The following DCAF1 variants were observed in gnomAD, a reference collection of about 807,000 sequenced individuals.
The protein encoded by DCAF1 is DDB1- and CUL4-associated factor 1.
DCAF1 carries 15 observed loss-of-function variants against 128.0 expected under a neutral mutation model. The observed-to-expected ratio is 0.12, with a 90% confidence interval of 0.08 to 0.18. The LOEUF (loss-of-function observed/expected upper bound fraction) is 0.18. Ranked by LOEUF, DCAF1 falls within the 10% of genes least tolerant of loss-of-function variation. The probability of loss-of-function intolerance (pLI) is 1.00; values close to 1 mark genes in which losing one functional copy is unlikely to be tolerated. For missense variants in DCAF1, 988 were observed against 1,649.5 expected (o/e 0.60, Z 6.95); for synonymous variants, 610 against 603.0 (o/e 1.01, Z -0.17).
chr3:51,486,193 CTT>C (rs35273248), intron 2 of DCAF1, among the ~76,000 whole-genome samples: 47 of 113,304 alleles, frequency 4.1e-4, no homozygotes, highest in Admixed American at 7.5e-4. Flanking sequence ...CCGGCAGATT[CTT>C]TTTTTTTTTT....
At chr3:51,419,238 G>A (rs1366433475) in intron 15 of DCAF1, among the ~76,000 whole-genome samples, 1 of 151,972 alleles carries the variant, frequency 6.6e-6, no homozygotes, top group African/African-American at 2.4e-5. Flanking sequence ...GTGCCTGCCT[G>A]TAATCCCAGC....
intron 23 of DCAF1, among the ~76,000 whole-genome samples, chr3:51,411,608 T>C (rs1288986126): frequency 6.6e-6 from 1 of 152,192 alleles, no homozygotes; most frequent in Non-Finnish European, 1.5e-5. Context: ...TTCTCAAAAG[T>C]ATCAAAATCT....
chr3:51,499,786 C>G (rs1708660462), intron 1 of DCAF1, 87 bp downstream of exon 1: 1 of 151,970 alleles, frequency 6.6e-6, no homozygotes, highest in Non-Finnish European at 1.5e-5. Context: ...CCCCCAAGCC[C>G]GGCGCCCACT....
chr3:51,418,622 G>C (rs146589103), intron 16 of DCAF1, 56 bp downstream of exon 16: 30,462 of 1,556,120 alleles, frequency 0.02, 352 homozygotes, highest in Non-Finnish European at 0.023. Context: ...CTTTACTCTA[G>C]TTCACCAATT....
chr3:51,485,958 C>A (rs1553655268), intron 2 of DCAF1, among the ~76,000 whole-genome samples: 1 of 150,822 alleles, frequency 6.6e-6, no homozygotes, highest in African/African-American at 2.4e-5. Context: ...GTGGCGCCAT[C>A]TCGGCTCACT....
the DCAF1 span, among the ~76,000 whole-genome samples, chr3:51,505,055 A>G: frequency 6.6e-6 from 1 of 152,122 alleles, no homozygotes; most frequent in African/African-American, 2.4e-5. Flanking sequence ...TGAGGTCGAG[A>G]GTTCGAGACC....
intron 23 of DCAF1, among the ~76,000 whole-genome samples, chr3:51,407,901 C>T (rs1053210676): frequency 1.4e-5 from 2 of 138,820 alleles, no homozygotes; most frequent in Non-Finnish European, 3.0e-5. Context: ...GGCAGATTTG[C>T]CTGAACCTGG....
intron 8 of DCAF1, 35 bp downstream of exon 8, chr3:51,441,350 C>T (rs1701340330): frequency 2.5e-6 from 4 of 1,579,032 alleles, no homozygotes; most frequent in African/African-American, 1.4e-5. Flanking sequence ...ACAATAATTC[C>T]TATGTGTGAA....
chr3:51,491,901 T>C (rs1335799981), intron 2 of DCAF1, among the ~76,000 whole-genome samples: 2 of 151,998 alleles, frequency 1.3e-5, no homozygotes, highest in Non-Finnish European at 1.5e-5. Context: ...CTCACGCCTG[T>C]TATCCCAGCA....
At chr3:51,461,919 G>A (rs1216805821) in intron 6 of DCAF1, among the ~76,000 whole-genome samples, 2 of 152,080 alleles carry the variant, frequency 1.3e-5, no homozygotes, top group Non-Finnish European at 2.9e-5. Flanking sequence ...TTGTGGGGTG[G>A]GGGAAGCGGG....
At position 51,440,860 on chromosome 3, in the gene DCAF1, C is replaced by T. The variant is rs1171674808; in HGVS notation, c.1128+110G>A. ...GGCGGAGGTTGCAGTGAGCCAAGAT[C>T]GCACCACTGCACTCCAGCCTGGGCG... is the stretch of plus-strand genomic sequence containing the variant. On this transcript the variant is annotated intron_variant, in intron 9 of 24. Coordinates refer to ENST00000684031, the MANE Select transcript of DCAF1 (RefSeq NM_001387579.1). 1.2e-5 allele frequency: 10 copies of T among 838,922 alleles called. No homozygotes were observed. The African/African-American group carries it at 1.2e-4, about 10-fold the overall frequency. The allele number at this position is 838,922 out of a possible 1,614,324, so 52.0% of individuals were successfully genotyped here.
intron 6 of DCAF1, among the ~76,000 whole-genome samples, chr3:51,462,289 G>A (rs1703681833): frequency 6.6e-6 from 1 of 151,958 alleles, no homozygotes; most frequent in Non-Finnish European, 1.5e-5. Context: ...AGGCATGGTA[G>A]CGTACACCTG....
intron 10 of DCAF1, among the ~76,000 whole-genome samples, 191 bp from the exon 11 acceptor site, chr3:51,430,403 C>A (rs573940838): frequency 6.6e-6 from 1 of 152,130 alleles, no homozygotes; most frequent in South Asian, 2.1e-4. Flanking sequence ...AACCTGAAAA[C>A]GACCTAAATT....
At chr3:51,408,006 A>AAAAAAAC (rs1698054205) in intron 23 of DCAF1, among the ~76,000 whole-genome samples, 1 of 151,340 alleles carries the variant, frequency 6.6e-6, no homozygotes, top group South Asian at 2.1e-4. Context: ...AAAAAAAAAA[A>AAAAAAAC]AAACAACCAG....
In DCAF1 at chr3:51,418,091, C is replaced by G. The variant is rs781852875; in HGVS notation, c.3518+25G>C. The stretch of plus-strand genomic sequence containing the variant: ...ATAAACTAGGTAAATAAAGCACAGA[C>G]TAGGTTCCAAAAGCAGATACATACT... On this transcript the variant is annotated intron_variant, in intron 17 of 24. Coordinates refer to ENST00000684031, the MANE Select transcript of DCAF1 (RefSeq NM_001387579.1). 4.7e-5 allele frequency: 76 copies of G among 1,601,160 alleles called. 1 individual carries two copies. In the East Asian group the frequency reaches 1.7e-3, roughly 36 times the overall value.
At chr3:51,439,991 C>CA in intron 9 of DCAF1, among the ~76,000 whole-genome samples, 1 of 150,122 alleles carries the variant, frequency 6.7e-6, no homozygotes, top group African/African-American at 2.4e-5. Flanking sequence ...GACTCCATCT[C>CA]AAAAAAGAAA....
Position 51,448,922 on chromosome 3 carries a change from T to C in DCAF1, c.376-5019A>G, listed in dbSNP as rs549094864. 3.3e-4 allele frequency among the ~76,000 whole-genome samples: 50 copies of C among 152,012 alleles called. No individual in the cohort carries two copies. In the South Asian group the frequency reaches 1.0e-2, roughly 30 times the overall value. ...CTTTTTCCATGTTCTTTTATGTTTTTTTTTTCCCAGAGTAAACCATATGTT... is the reference window on the plus strand; with the variant it reads ...CTTTTTCCATGTTCTTTTATGTTTTCTTTTTCCCAGAGTAAACCATATGTT... On this transcript the variant is annotated intron_variant, in intron 6 of 24. Coordinates refer to ENST00000684031, the MANE Select transcript of DCAF1 (RefSeq NM_001387579.1).
At chr3:51,455,837 C>T (rs1702842147) in intron 6 of DCAF1, among the ~76,000 whole-genome samples, 1 of 151,870 alleles carries the variant, frequency 6.6e-6, no homozygotes, top group Non-Finnish European at 1.5e-5. Context: ...GCGGAAGTTG[C>T]AGTGAGCCAA....
chr3:51,426,756 T>C lies in DCAF1; in HGVS notation c.1847+616A>G, dbSNP rs117683520. The stretch of plus-strand genomic sequence containing the variant: ...TCTTATCTTTATGGCAGTGAGTGAA[T>C]AGGAAAAGAAGGTCAAGCACTCTGT... On this transcript the variant is annotated intron_variant, in intron 13 of 24. Coordinates refer to ENST00000684031, the MANE Select transcript of DCAF1 (RefSeq NM_001387579.1). Among the ~76,000 whole-genome samples the C allele has an allele frequency of 5.9e-5, 9 of 152,324 alleles. No individual in the cohort carries two copies. In the East Asian group the frequency reaches 1.5e-3, roughly 26 times the overall value.
Sources: allele counts gnomAD v4.1 joint callset (sites outside exome capture counted in the v4.1 genomes callset), GRCh38; gene constraint gnomAD v4.1.1; transcripts MANE v1.5; gene names NCBI Gene and HGNC (gene_info 2026-07-23, HGNC 2026-07-21).